TPRG1: variants seen among roughly 807,000 people sequenced by gnomAD.
TPRG1 encodes the protein tumor protein p63-regulated gene 1 protein.
Under a neutral mutation model 29.3 loss-of-function variants are expected in TPRG1, and 29 were observed. The ratio of observed to expected loss-of-function variants is 0.99; its 90% CI spans 0.74 to 1.35. The LOEUF is 1.35. Among genes scored for constraint, TPRG1 ranks in the 40% most tolerant of loss-of-function variants. TPRG1 has a pLI of 0.00. For missense variants in TPRG1, 327 were observed against 335.0 expected (o/e 0.98, Z 0.19); for synonymous variants, 130 against 116.8 (o/e 1.11, Z -0.73).
intron 3 of TPRG1, among the ~76,000 whole-genome samples, chr3:189,237,568 C>T: frequency 6.6e-6 from 1 of 152,098 alleles, no homozygotes; most frequent in East Asian, 1.9e-4. Context: ...GCATTTGAAC[C>T]ATGACTTGAA....
chr3:189,307,386 T>C (rs926230920), intron 4 of TPRG1, among the ~76,000 whole-genome samples: 2 of 152,206 alleles, frequency 1.3e-5, no homozygotes, highest in African/African-American at 2.4e-5. Context: ...TCACATCCAG[T>C]GCTTCCTTAT....
intron 3 of TPRG1, among the ~76,000 whole-genome samples, chr3:189,012,054 G>C (rs1712631667): frequency 6.6e-6 from 1 of 152,154 alleles, no homozygotes; most frequent in African/African-American, 2.4e-5. Context: ...GGGTTTTCTA[G>C]AGGTAGGATC....
At chr3:189,238,447 C>CA (rs1262329564) in intron 3 of TPRG1, among the ~76,000 whole-genome samples, 13 of 152,196 alleles carry the variant, frequency 8.5e-5, no homozygotes, top group East Asian at 1.9e-4. Context: ...TGACTGCTAA[C>CA]ACAACACACA....
At chr3:189,032,680 C>T (rs1021317029) in intron 4 of TPRG1, among the ~76,000 whole-genome samples, 3 of 151,282 alleles carry the variant, frequency 2.0e-5, no homozygotes, top group Non-Finnish European at 4.4e-5. Context: ...ATGGGCCATG[C>T]TGGTGTGCTG....
At chr3:189,032,066 C>A (rs1341632665) in intron 4 of TPRG1, among the ~76,000 whole-genome samples, 2 of 152,118 alleles carry the variant, frequency 1.3e-5, no homozygotes, top group East Asian at 3.9e-4. Context: ...TAACCCATAA[C>A]TATGTTACCT....
intron 5 of TPRG1, among the ~76,000 whole-genome samples, chr3:189,316,399 A>G (rs1329698997): frequency 6.6e-6 from 1 of 152,176 alleles, no homozygotes; most frequent in Non-Finnish European, 1.5e-5. Context: ...GGAGACTTGG[A>G]GACTTCCTTC....
intron 4 of TPRG1, among the ~76,000 whole-genome samples, chr3:189,277,591 T>A (rs1023525678): frequency 3.3e-5 from 5 of 152,208 alleles, no homozygotes; most frequent in African/African-American, 1.2e-4. Context: ...TTGGACAGTA[T>A]ACAGAATAGA....
chr3:189,059,070 C>T (rs970598210), intron 4 of TPRG1, among the ~76,000 whole-genome samples: 7 of 152,052 alleles, frequency 4.6e-5, no homozygotes, highest in African/African-American at 1.7e-4. Context: ...CCGTTGCTTG[C>T]TAGTTCTGTG....
intron 4 of TPRG1, among the ~76,000 whole-genome samples, chr3:189,084,790 C>T (rs112735220): frequency 1.0e-3 from 157 of 152,196 alleles, no homozygotes; most frequent in African/African-American, 3.7e-3. Context: ...TGACATCATG[C>T]GTAAGAGGAA....
At chr3:189,202,115 G>T (rs192902388) in intron 1 of TPRG1, among the ~76,000 whole-genome samples, 35 of 152,186 alleles carry the variant, frequency 2.3e-4, no homozygotes, top group Admixed American at 1.6e-3. Flanking sequence ...AAGCTCTCAG[G>T]GTAGTTATTC....
At chr3:189,059,805 A>G (rs1339871257) in intron 4 of TPRG1, among the ~76,000 whole-genome samples, 1 of 152,224 alleles carries the variant, frequency 6.6e-6, no homozygotes, top group Non-Finnish European at 1.5e-5. Context: ...AGTAGGCTTC[A>G]TCCCCAGGAT....
At position 189,067,745 on chromosome 3, in the gene TPRG1, T is replaced by C. The variant is rs550077536; in HGVS notation, c.-463+43799T>C. ...CTAAAGGAAAACATTGGGGAAACTC[T>C]CTAGGACATTGGTCTGGGCAAAGAT... On this transcript the variant is annotated intron_variant, in intron 4 of 10. Transcript: ENST00000433971. 3.3e-5 allele frequency among the ~76,000 whole-genome samples: 5 copies of C among 152,308 alleles called. No individual in the cohort carries two copies. In the South Asian group the frequency reaches 1.0e-3, roughly 32 times the overall value.
intron 4 of TPRG1, among the ~76,000 whole-genome samples, chr3:189,283,048 A>G (rs544933149): frequency 6.6e-6 from 1 of 152,122 alleles, no homozygotes; most frequent in Non-Finnish European, 1.5e-5. Flanking sequence ...TACCGAGTAA[A>G]CCATTCATAT....
intron 3 of TPRG1, among the ~76,000 whole-genome samples, chr3:189,139,351 C>T (rs543913726): frequency 6.6e-6 from 1 of 152,288 alleles, no homozygotes; most frequent in African/African-American, 2.4e-5. Context: ...CCGGATCCAG[C>T]CCTGGACTGG....
intron 4 of TPRG1, among the ~76,000 whole-genome samples, chr3:189,029,273 C>A (rs1713818655): frequency 6.6e-6 from 1 of 152,104 alleles, no homozygotes; most frequent in Non-Finnish European, 1.5e-5. Context: ...TGAAAACAGA[C>A]ACCTGGAAAT....
chr3:189,280,345 C>T (rs529115974), intron 4 of TPRG1, among the ~76,000 whole-genome samples: 91 of 122,700 alleles, frequency 7.4e-4, no homozygotes, highest in African/African-American at 3.0e-3. Context: ...TTTTAGATGA[C>T]GAACTAGGAC....
At chr3:189,175,524 T>A (rs1350062107) in intron 1 of TPRG1, among the ~76,000 whole-genome samples, 1 of 152,194 alleles carries the variant, frequency 6.6e-6, no homozygotes, top group East Asian at 1.9e-4. Context: ...TGACCAGACA[T>A]TAGTTCATGA....
intron 3 of TPRG1, among the ~76,000 whole-genome samples, chr3:189,023,040 A>C (rs1016225689): frequency 1.8e-4 from 27 of 152,162 alleles, no homozygotes; most frequent in Non-Finnish European, 3.4e-4. Context: ...GAACTCCCTG[A>C]CCCCTTGCAC....
intron 5 of TPRG1, among the ~76,000 whole-genome samples, chr3:189,320,387 T>C (rs1724177834): frequency 6.6e-6 from 1 of 152,116 alleles, no homozygotes; most frequent in Non-Finnish European, 1.5e-5. Context: ...AAATTACATA[T>C]TATTTCTGAC....
Sources: gnomAD v4.1 joint callset for allele counts (sites outside exome capture counted in the v4.1 genomes callset) on GRCh38, gnomAD v4.1.1 for gene constraint, MANE v1.5 for transcripts, NCBI Gene and HGNC (gene_info 2026-07-23, HGNC 2026-07-21) for gene names.